Variants in GSG1L observed in about 807,000 individuals in gnomAD.
GSG1L encodes GSG1 like.
Under a neutral mutation model 42.1 loss-of-function variants are expected in GSG1L, and 24 were observed. The observed-to-expected ratio is 0.57, with a 90% CI of 0.41 to 0.80. GSG1L has a LOEUF of 0.80. Among genes scored for constraint, GSG1L ranks in the 30% least tolerant of loss-of-function variants. GSG1L has a pLI of 0.00. For missense variants in GSG1L, 445 were observed against 472.2 expected, an observed-to-expected ratio of 0.94 and a Z score of 0.53; for synonymous variants, 215 against 203.5, an observed-to-expected ratio of 1.06 and a Z score of -0.48.
chr16:28,007,025 C>T (rs1345105298), intron 1 of GSG1L, among the ~76,000 whole-genome samples: 1 of 152,148 alleles, frequency 6.6e-6, no homozygotes, highest in East Asian at 1.9e-4. Context: ...GCCCCAGGCT[C>T]CACCCATAGG....
chr16:27,911,070 CCA>C (rs1339457268), intron 2 of GSG1L, among the ~76,000 whole-genome samples: 1 of 152,036 alleles, frequency 6.6e-6, no homozygotes, highest in Non-Finnish European at 1.5e-5. Flanking sequence ...GCCCTGAGCC[CCA>C]GTCAAGGGCT....
chr16:27,886,812 G>T lies in GSG1L; in HGVS notation c.398-2174C>A, dbSNP rs1444551190. 2.0e-5 allele frequency among the ~76,000 whole-genome samples: 3 copies of T among 152,220 alleles called. No individual in the cohort carries two copies. In the East Asian group the frequency reaches 5.8e-4, roughly 29 times the overall value. Reference sequence around the variant, plus strand: ...GGTCTCCCAAGACCCACACTTTAGAGAAGGAACTACGGACCAGGCATGGGC... The same window carrying T: ...GGTCTCCCAAGACCCACACTTTAGATAAGGAACTACGGACCAGGCATGGGC... On this transcript the variant is annotated intron_variant, in intron 2 of 6. Coordinates refer to ENST00000447459, the MANE Select transcript of GSG1L (RefSeq NM_001109763.2).
chr16:27,925,635 C>T (rs1219460839), intron 2 of GSG1L, among the ~76,000 whole-genome samples: 5 of 152,142 alleles, frequency 3.3e-5, no homozygotes, highest in Non-Finnish European at 7.4e-5. Context: ...ACGCCATGAC[C>T]ATCCGAGGGT....
At chr16:27,807,665 T>C (rs2082982745) in intron 5 of GSG1L, 111 bp from the exon 6 acceptor site, 1 of 894,204 alleles carries the variant, frequency 1.1e-6, no homozygotes, top group South Asian at 1.6e-5. Context: ...GAGAATATTT[T>C]GCAAAGTAAC....
chr16:27,829,743 A>C (rs1053842254), intron 4 of GSG1L, among the ~76,000 whole-genome samples: 1 of 152,160 alleles, frequency 6.6e-6, no homozygotes, highest in African/African-American at 2.4e-5. Context: ...GGACAACAGC[A>C]CTACCTCATA....
chr16:27,851,842 G>A (rs2083518113), intron 3 of GSG1L, among the ~76,000 whole-genome samples: 1 of 152,210 alleles, frequency 6.6e-6, no homozygotes, highest in South Asian at 2.1e-4. Flanking sequence ...ATCATCTTTT[G>A]CTCAATCACT....
intron 1 of GSG1L, among the ~76,000 whole-genome samples, chr16:28,053,998 C>T (rs757540647): frequency 6.6e-5 from 10 of 151,972 alleles, no homozygotes; most frequent in Middle Eastern, 3.2e-3. Flanking sequence ...TTCTGTGGTC[C>T]CCTCGGTCCC....
In GSG1L at chr16:27,902,372, G is replaced by A. The variant is rs1009001718; in HGVS notation, c.398-17734C>T. On this transcript the variant is annotated intron_variant, in intron 2 of 6. Coordinates refer to ENST00000447459, the MANE Select transcript of GSG1L (RefSeq NM_001109763.2). ...AGACTGAGAGATGAGAAAAGGCCAC[G>A]GGCTTTGGCGATTGGAACCCCTCTG... 3.3e-5 allele frequency among the ~76,000 whole-genome samples: 5 copies of A among 152,192 alleles called. No homozygotes were observed. The South Asian group carries it at 1.0e-3, about 32-fold the overall frequency.
At chr16:27,983,832 T>G (rs1157803339) in intron 1 of GSG1L, among the ~76,000 whole-genome samples, 1 of 152,162 alleles carries the variant, frequency 6.6e-6, no homozygotes, top group Non-Finnish European at 1.5e-5. Flanking sequence ...CATGATTATC[T>G]GCATCTCAGC....
At chr16:27,794,872 G>A (rs2082800886) in intron 6 of GSG1L, among the ~76,000 whole-genome samples, 1 of 152,012 alleles carries the variant, frequency 6.6e-6, no homozygotes, top group Non-Finnish European at 1.5e-5. Flanking sequence ...TTCTCCAGCT[G>A]TTGACTCCCT....
At chr16:27,900,763 CA>C (rs2084247335) in intron 2 of GSG1L, among the ~76,000 whole-genome samples, 1 of 150,396 alleles carries the variant, frequency 6.6e-6, no homozygotes. Context: ...ATGCATAAAA[CA>C]AATACAGGCA....
At chr16:27,936,895 G>T (rs184596079) in intron 2 of GSG1L, among the ~76,000 whole-genome samples, 4 of 152,194 alleles carry the variant, frequency 2.6e-5, no homozygotes, top group Admixed American at 2.6e-4. Flanking sequence ...AAACGTCCAG[G>T]GCAGGAAAGT....
At chr16:27,990,818 T>G (rs2085447547) in intron 1 of GSG1L, among the ~76,000 whole-genome samples, 1 of 152,244 alleles carries the variant, frequency 6.6e-6, no homozygotes, top group Admixed American at 6.5e-5. Flanking sequence ...CAGCATGTTT[T>G]GCAATCCTTT....
At chr16:27,792,276 ACT>A (rs1267027786) in intron 6 of GSG1L, among the ~76,000 whole-genome samples, 3 of 152,096 alleles carry the variant, frequency 2.0e-5, no homozygotes, top group African/African-American at 7.2e-5. Context: ...GACCCCAGAA[ACT>A]GTGTGTGTGG....
intron 1 of GSG1L, among the ~76,000 whole-genome samples, chr16:27,998,872 A>C (rs929006341): frequency 2.0e-5 from 3 of 151,760 alleles, no homozygotes; most frequent in Non-Finnish European, 4.4e-5. Context: ...ATGCTTTCTC[A>C]TCTGCCCAAA....
chr16:27,982,396 T>G (rs1219300993), intron 1 of GSG1L, among the ~76,000 whole-genome samples: 1 of 152,100 alleles, frequency 6.6e-6, no homozygotes, highest in Non-Finnish European at 1.5e-5. Context: ...ATGTGAGCAG[T>G]GGGTCACGTG....
At chr16:27,797,040 AT>A (rs1364975120) in intron 6 of GSG1L, among the ~76,000 whole-genome samples, 1 of 152,164 alleles carries the variant, frequency 6.6e-6, no homozygotes, top group Non-Finnish European at 1.5e-5. Context: ...CCATGGACTC[AT>A]TTAATCCTCA....
chr16:27,967,332 T>A (rs2085146647), intron 1 of GSG1L, among the ~76,000 whole-genome samples: 1 of 151,848 alleles, frequency 6.6e-6, no homozygotes, highest in South Asian at 2.1e-4. Context: ...TCACAAAGGG[T>A]CTTAAATGTC....
At chr16:27,826,736 G>A (rs963527440) in intron 5 of GSG1L, among the ~76,000 whole-genome samples, 3 of 152,194 alleles carry the variant, frequency 2.0e-5, no homozygotes, top group Non-Finnish European at 2.9e-5. Flanking sequence ...GACAGTATCA[G>A]TCTCCTGGGC....
Sources: allele counts gnomAD v4.1 joint callset (sites outside exome capture counted in the v4.1 genomes callset), GRCh38; gene constraint gnomAD v4.1.1; transcripts MANE v1.5; gene names NCBI Gene and HGNC (gene_info 2026-07-23, HGNC 2026-07-21).